Variants in ATG10 observed in about 807,000 individuals in gnomAD.
ATG10 encodes the protein autophagy related 10, also known as ubiquitin-like-conjugating enzyme ATG10.
ATG10 carries 30 observed loss-of-function variants against 32.1 expected under a neutral mutation model. The observed-to-expected ratio is 0.94, with a 90% CI of 0.70 to 1.27. The LOEUF is 1.27. Ranked by LOEUF, ATG10 falls within the 50% of genes most tolerant of loss-of-function variation. The probability of loss-of-function intolerance (pLI) is 0.00; values close to 1 mark genes in which losing one functional copy is unlikely to be tolerated. For missense variants in ATG10, 233 were observed against 262.3 expected, an observed-to-expected ratio of 0.89 and a Z score of 0.77; for synonymous variants, 87 against 91.5, an observed-to-expected ratio of 0.95 and a Z score of 0.28.
intron 1 of ATG10, among the ~76,000 whole-genome samples, chr5:81,980,014 C>G (rs537592942): frequency 6.6e-6 from 1 of 151,944 alleles, no homozygotes; most frequent in African/African-American, 2.4e-5. Flanking sequence ...TGGAGAGGAT[C>G]TTATGTGCTT....
chr5:82,159,328 A>C (rs1052296512), intron 3 of ATG10, among the ~76,000 whole-genome samples: 1 of 152,164 alleles, frequency 6.6e-6, no homozygotes, highest in Non-Finnish European at 1.5e-5. Flanking sequence ...TTTTCACTTA[A>C]TATTTTCAGA....
intron 2 of ATG10, chr5:82,010,113 T>C: frequency 1.9e-6 from 3 of 1,577,374 alleles, no homozygotes; most frequent in Non-Finnish European, 2.6e-6. Context: ...TACACAGTTT[T>C]CCTCGGCGGC....
chr5:82,248,116 C>A (rs1747105525), intron 5 of ATG10, among the ~76,000 whole-genome samples: 2 of 152,156 alleles, frequency 1.3e-5, no homozygotes, highest in East Asian at 1.9e-4. Context: ...TCCTATCAGG[C>A]CTTCTTGTGA....
chr5:82,168,014 C>T (rs905315955), intron 4 of ATG10, among the ~76,000 whole-genome samples: 4 of 151,972 alleles, frequency 2.6e-5, no homozygotes, highest in Non-Finnish European at 5.9e-5. Context: ...GGAATAGTGC[C>T]TTATAGTTTA....
chr5:82,158,356 GC>G (rs1363105760), intron 3 of ATG10, among the ~76,000 whole-genome samples: 1 of 67,414 alleles, frequency 1.5e-5, no homozygotes, highest in Non-Finnish European at 3.2e-5. Flanking sequence ...CTGCCCCCCC[GC>G]CCCCCATCTC....
rs563903262 is a variant in ATG10 at position 82,166,987 on chromosome 5, T to A, written c.355+2450T>A. Among the ~76,000 whole-genome samples, 5 of 152,314 alleles carry A rather than the reference T, an allele frequency of 3.3e-5. No homozygotes were observed. The South Asian group carries it at 1.0e-3, about 32-fold the overall frequency. On this transcript the variant is annotated intron_variant, in intron 4 of 7. Transcript: ENST00000282185. ...AAGGAAAAGCAAAACAAGTAATAAA[T>A]AGTTTCCATTTAAATTTACATTACC...
rs187365541 is a variant in ATG10, at chr5:82,093,232, A to G, written c.216+34630A>G. ...CCATTTCTCTTCTTTGGGGACTCCA[A>G]TTACACATATATTAGGCCACTGGAG... is the stretch of plus-strand genomic sequence containing the variant. On this transcript the variant is annotated intron_variant, in intron 3 of 7. Coordinates refer to ENST00000282185, the MANE Select transcript of ATG10 (RefSeq NM_031482.5). Among the ~76,000 whole-genome samples the G allele has an allele frequency of 3.9e-5, 6 of 152,258 alleles. No homozygotes were observed. The East Asian group carries it at 7.7e-4, about 20-fold the overall frequency.
chr5:82,164,665 A>G (rs375946011), intron 4 of ATG10, 128 bp downstream of exon 4: 2 of 856,800 alleles, frequency 2.3e-6, no homozygotes, highest in Non-Finnish European at 3.5e-6. Flanking sequence ...GGGTGAGGTA[A>G]GGTTTTACCA....
At chr5:82,008,230 A>G (rs1466860584) in intron 2 of ATG10, among the ~76,000 whole-genome samples, 1 of 152,188 alleles carries the variant, frequency 6.6e-6, no homozygotes, top group Non-Finnish European at 1.5e-5. Context: ...TTCTAGCTCC[A>G]GATGTCACTA....
chr5:82,020,903 A>G (rs1254278667), intron 2 of ATG10, among the ~76,000 whole-genome samples: 1 of 152,222 alleles, frequency 6.6e-6, no homozygotes, highest in African/African-American at 2.4e-5. Context: ...AGGGGATTCC[A>G]CATAGGAATG....
intron 5 of ATG10, among the ~76,000 whole-genome samples, chr5:82,230,163 A>G (rs1247410575): frequency 6.6e-6 from 1 of 152,184 alleles, no homozygotes; most frequent in Non-Finnish European, 1.5e-5. Flanking sequence ...CTAGTTGACT[A>G]AAGTCTTTAT....
At position 82,184,258 on chromosome 5, in the gene ATG10, G is replaced by A. The variant is rs570477725; in HGVS notation, c.453+5671G>A. On this transcript the variant is annotated intron_variant, in intron 5 of 7. Coordinates refer to ENST00000282185, the MANE Select transcript of ATG10 (RefSeq NM_031482.5). ...GGTTACAGTAGCATCTACACAGAGC[G>A]AATGGGAAGACTAAATGAATCAATA... Among the ~76,000 whole-genome samples the A allele has an allele frequency of 4.6e-5, 7 of 152,282 alleles. No individual in the cohort carries two copies. The South Asian group carries it at 8.3e-4, about 18-fold the overall frequency.
intron 3 of ATG10, among the ~76,000 whole-genome samples, chr5:82,093,960 T>C (rs1764970663): frequency 6.6e-6 from 1 of 152,124 alleles, no homozygotes; most frequent in African/African-American, 2.4e-5. Context: ...CCTTGGTAAG[T>C]GTCAGATATT....
At chr5:82,244,341 T>C (rs560619919) in intron 5 of ATG10, among the ~76,000 whole-genome samples, 1 of 152,262 alleles carries the variant, frequency 6.6e-6, no homozygotes, top group African/African-American at 2.4e-5. Context: ...AAGTGTGTGG[T>C]CTTAGGAGAT....
At chr5:82,039,884 G>C (rs1167961304) in intron 2 of ATG10, among the ~76,000 whole-genome samples, 1 of 152,136 alleles carries the variant, frequency 6.6e-6, no homozygotes, top group South Asian at 2.1e-4. Flanking sequence ...AGTGTTACCT[G>C]GGATCACTTG....
intron 3 of ATG10, among the ~76,000 whole-genome samples, chr5:82,076,362 G>C (rs1764272836): frequency 6.6e-6 from 1 of 152,084 alleles, no homozygotes; most frequent in Non-Finnish European, 1.5e-5. Context: ...AATTTTAATG[G>C]CAATTTTAAT....
At chr5:82,004,825 T>C (rs919714314) in intron 2 of ATG10, among the ~76,000 whole-genome samples, 1 of 152,216 alleles carries the variant, frequency 6.6e-6, no homozygotes, top group African/African-American at 2.4e-5. Context: ...GTATTTATCT[T>C]GTTGACCCGT....
At chr5:81,972,651 A>T (rs1760757090) in intron 1 of ATG10, 1 of 152,238 alleles carries the variant, frequency 6.6e-6, no homozygotes, top group African/African-American at 2.4e-5. Context: ...TTTGGTTGAA[A>T]CAGTATTAAA....
In ATG10 at chr5:82,246,621, T is replaced by C. The variant is rs1420958844; in HGVS notation, c.454-5941T>C. Among the ~76,000 whole-genome samples the C allele has an allele frequency of 3.3e-5, 5 of 152,116 alleles. No homozygotes were observed. The East Asian group carries it at 7.7e-4, about 23-fold the overall frequency. ...ATTTCTTTCCCCTTCCTTTGTACCA[T>C]TATTGTCATGTATGTTACATTTATG... is the stretch of plus-strand genomic sequence containing the variant. On this transcript the variant is annotated intron_variant, in intron 5 of 7. Coordinates refer to ENST00000282185, the MANE Select transcript of ATG10 (RefSeq NM_031482.5).
Sources: allele counts gnomAD v4.1 joint callset (sites outside exome capture counted in the v4.1 genomes callset), GRCh38; gene constraint gnomAD v4.1.1; transcripts MANE v1.5; gene names NCBI Gene and HGNC (gene_info 2026-07-23, HGNC 2026-07-21).